The following RBKS variants were observed in gnomAD, a reference collection of about 807,000 sequenced individuals.
RBKS encodes ribokinase.
RBKS carries 33 observed loss-of-function variants against 33.9 expected under a neutral mutation model. That is an observed-to-expected ratio of 0.97 (90% CI 0.74 to 1.30). RBKS has a LOEUF of 1.30. Among genes scored for constraint, RBKS ranks in the 50% most tolerant of loss-of-function variants. The pLI, the probability that RBKS is intolerant of heterozygous loss-of-function variation, is 0.00. For missense variants in RBKS, 361 were observed against 392.6 expected (o/e 0.92, Z 0.68); for synonymous variants, 125 against 143.0 (o/e 0.87, Z 0.90).
intron 5 of RBKS, among the ~76,000 whole-genome samples, chr2:27,842,393 T>C (rs1663528345): frequency 6.6e-6 from 1 of 152,212 alleles, no homozygotes; most frequent in African/African-American, 2.4e-5. Context: ...AGAGGCAATG[T>C]CAATGGACAT....
chr2:27,859,191 G>A (rs1181078556), intron 1 of RBKS, among the ~76,000 whole-genome samples: 1 of 152,022 alleles, frequency 6.6e-6, no homozygotes, highest in East Asian at 1.9e-4. Context: ...ACTCAAAAAG[G>A]GTGTCTATTT....
intron 7 of RBKS, among the ~76,000 whole-genome samples, chr2:27,803,293 A>C (rs1677834225): frequency 6.6e-6 from 1 of 152,194 alleles, no homozygotes; most frequent in Admixed American, 6.5e-5. Context: ...TTATTGTGTA[A>C]GTGCTGACTT....
rs147056337 is a variant in RBKS at position 27,851,042 on chromosome 2, C to T, written c.223-2945G>A. On this transcript the variant is annotated intron_variant, in intron 2 of 7. Transcript: ENST00000302188. The stretch of plus-strand genomic sequence containing the variant: ...CTCCTGTAGGCCTTTAGTCTTGCTA[C>T]CTCTGAACTATACTTCTGAACTGAA... Among the ~76,000 whole-genome samples, 13 of 152,260 alleles carry T rather than the reference C, an allele frequency of 8.5e-5. No individual in the cohort carries two copies. In the East Asian group the frequency reaches 2.5e-3, roughly 29 times the overall value.
rs555281860 is a variant in RBKS, at chr2:27,809,025, GC to G, written c.795+18541del. 4.0e-3 allele frequency among the ~76,000 whole-genome samples: 606 copies of G among 152,308 alleles called. 3 individuals carry two copies. Among genetic ancestry groups the G allele is most frequent in the South Asian group, 0.013 (65 of 4,832 alleles). On this transcript the variant is annotated intron_variant, in intron 7 of 7. Coordinates refer to ENST00000302188, the MANE Select transcript of RBKS (RefSeq NM_022128.3). ...TTTAAAAGAGAACATTTTCTGTTTT[GC>G]TTATAATAATGTAAAAATTGTCCCT...
intron 1 of RBKS, among the ~76,000 whole-genome samples, chr2:27,871,290 C>T (rs1664205856): frequency 1.3e-5 from 2 of 152,140 alleles, no homozygotes; most frequent in African/African-American, 4.8e-5. Flanking sequence ...AACAAAAAAA[C>T]CCAAAAGCTT....
intron 1 of RBKS, chr2:27,889,870 C>T (rs1664677257): frequency 5.1e-6 from 1 of 194,538 alleles, no homozygotes; most frequent in African/African-American, 2.3e-5. Context: ...CTCACAACAA[C>T]CCTGTGAGGT....
intron 2 of RBKS, 125 bp from the exon 3 acceptor site, chr2:27,848,222 T>C (rs1573062755): frequency 1.8e-6 from 1 of 558,214 alleles, no homozygotes; most frequent in Admixed American, 3.9e-5. Context: ...ATTAACTAAT[T>C]AATCTTCTTA....
At chr2:27,834,869 C>T (rs920306456) in intron 5 of RBKS, among the ~76,000 whole-genome samples, 7 of 152,156 alleles carry the variant, frequency 4.6e-5, no homozygotes, top group Non-Finnish European at 8.8e-5. Context: ...TTTCTAAACC[C>T]ATCCTACAGA....
At chr2:27,794,704 A>G (rs983445700) in intron 7 of RBKS, among the ~76,000 whole-genome samples, 14 of 150,494 alleles carry the variant, frequency 9.3e-5, no homozygotes, top group African/African-American at 3.4e-4. Context: ...GCTCACTGCA[A>G]CCTCTGCCTC....
intron 6 of RBKS, 48 bp downstream of exon 6, chr2:27,832,638 T>C: frequency 8.1e-7 from 1 of 1,227,436 alleles, no homozygotes; most frequent in Non-Finnish European, 1.2e-6. Context: ...TATCCACTTG[T>C]ACAAACTTTT....
rs371693197 is a variant in RBKS, at chr2:27,859,106, A to T, written c.90-535T>A. Among the ~76,000 whole-genome samples, 4 of 152,318 alleles carry T rather than the reference A, an allele frequency of 2.6e-5. No individual in the cohort carries two copies. In the East Asian group the frequency reaches 7.7e-4, roughly 29 times the overall value. ...TTTTTGTTTACTAAGGGGTAGAGTA[A>T]GAGTGGGGTGTTCAGAGAGCAGGAT... On this transcript the variant is annotated intron_variant, in intron 1 of 7. Coordinates refer to ENST00000302188, the MANE Select transcript of RBKS (RefSeq NM_022128.3).
intron 2 of RBKS, among the ~76,000 whole-genome samples, chr2:27,855,180 AAAAC>A (rs1270883423): frequency 6.6e-6 from 1 of 152,188 alleles, no homozygotes; most frequent in Non-Finnish European, 1.5e-5. Flanking sequence ...CCTCTGTCAC[AAAAC>A]TTCATGCTTG....
intron 4 of RBKS, among the ~76,000 whole-genome samples, chr2:27,843,710 T>A (rs949048416): frequency 6.6e-6 from 1 of 152,222 alleles, no homozygotes; most frequent in Non-Finnish European, 1.5e-5. Context: ...AAACACATTT[T>A]AAATATCTAA....
intron 5 of RBKS, among the ~76,000 whole-genome samples, chr2:27,838,110 G>A (rs1334796753): frequency 6.6e-6 from 1 of 152,188 alleles, no homozygotes; most frequent in Non-Finnish European, 1.5e-5. Flanking sequence ...TGAGGCATAA[G>A]AATCACTTGA....
At position 27,858,347 on chromosome 2, in the gene RBKS, C is replaced by G. The variant is rs147682921; in HGVS notation, c.222+92G>C. ...ATTACATGCCACTGAACTGTTCACT[C>G]TAAAATGGTTGAAAAAATTAAAAAC... is the stretch of plus-strand genomic sequence containing the variant. On this transcript the variant is annotated intron_variant, in intron 2 of 7. Transcript: ENST00000302188. 14 of 1,358,132 alleles carry G rather than the reference C, an allele frequency of 1.0e-5. No individual in the cohort carries two copies. In the African/African-American group the frequency reaches 2.0e-4, roughly 20 times the overall value. 84.1% of individuals were successfully genotyped at this position (1,358,132 alleles called of 1,614,324 possible).
intron 7 of RBKS, among the ~76,000 whole-genome samples, chr2:27,819,284 C>G (rs1349142673): frequency 4.0e-5 from 6 of 151,778 alleles, no homozygotes; most frequent in East Asian, 3.9e-4. Context: ...TGTGTGCACA[C>G]AGAGAGAGAG....
intron 1 of RBKS, chr2:27,861,471 T>A (rs953847740): frequency 3.8e-5 from 18 of 470,912 alleles, no homozygotes; most frequent in African/African-American, 3.2e-4. Context: ...AAGCAAGAAC[T>A]GTAACTAGAA....
chr2:27,848,137 T>C, intron 2 of RBKS, 40 bp from the exon 3 acceptor site: 3 of 1,164,730 alleles, frequency 2.6e-6, no homozygotes, highest in South Asian at 1.4e-5. Context: ...CTTTTAGAGT[T>C]AGTAAAATGC....
intron 1 of RBKS, among the ~76,000 whole-genome samples, chr2:27,878,714 A>T (rs1208549527): frequency 6.6e-6 from 1 of 152,054 alleles, no homozygotes; most frequent in African/African-American, 2.4e-5. Flanking sequence ...CTTTTTAATG[A>T]TTGCCATTCT....
Sources: gnomAD v4.1 joint callset for allele counts (sites outside exome capture counted in the v4.1 genomes callset) on GRCh38, gnomAD v4.1.1 for gene constraint, MANE v1.5 for transcripts, NCBI Gene and HGNC (gene_info 2026-07-23, HGNC 2026-07-21) for gene names.